SRP54: variants seen among roughly 807,000 people sequenced by gnomAD.
SRP54 encodes signal recognition particle 54.
Under a neutral mutation model 64.8 loss-of-function variants are expected in SRP54, and 10 were observed. The observed-to-expected ratio is 0.15, with a 90% CI of 0.10 to 0.26. SRP54 has a LOEUF of 0.26. SRP54 is among the 10% of genes least tolerant of loss of function. The pLI is 1.00. For missense variants in SRP54, 325 were observed against 613.7 expected (o/e 0.53, Z 4.97); for synonymous variants, 193 against 185.6 (o/e 1.04, Z -0.32).
chr14:34,984,280 A>G (rs1011545050), intron 1 of SRP54, among the ~76,000 whole-genome samples: 1 of 152,172 alleles, frequency 6.6e-6, no homozygotes, highest in Non-Finnish European at 1.5e-5. Flanking sequence ...GCTTTTTAAA[A>G]ATTGATTTTC....
intron 8 of SRP54, among the ~76,000 whole-genome samples, chr14:35,012,867 A>G (rs896473375): frequency 3.3e-5 from 5 of 151,566 alleles, no homozygotes; most frequent in African/African-American, 7.3e-5. Context: ...CATGACCTAG[A>G]TGGTACCTGA....
rs150954088 is a variant in SRP54 at position 35,003,697 on chromosome 14, T to C, written c.255+2677T>C. ...TGATCCCTACACCTGAGCCTCCTAG[T>C]AGCTGGGACTACTACTCTTTGAGCC... On this transcript the variant is annotated intron_variant, in intron 4 of 15. Coordinates refer to ENST00000216774, the MANE Select transcript of SRP54 (RefSeq NM_003136.4). 3.9e-3 allele frequency among the ~76,000 whole-genome samples: 585 copies of C among 151,288 alleles called. 8 individuals are homozygous for C. The highest frequency in any genetic ancestry group is 0.023 in the East Asian group (118 of 5,120).
chr14:34,986,430 A>G (rs543698464), intron 1 of SRP54, among the ~76,000 whole-genome samples: 28 of 152,266 alleles, frequency 1.8e-4, no homozygotes, highest in African/African-American at 6.5e-4. Context: ...TGAATGAGTA[A>G]ATGAATACAA....
At chr14:35,016,632 C>T (rs907193207) in intron 11 of SRP54, among the ~76,000 whole-genome samples, 18 of 152,168 alleles carry the variant, frequency 1.2e-4, no homozygotes, top group Admixed American at 7.9e-4. Context: ...ATGTTTCTAT[C>T]ACTTCCTACA....
At chr14:34,989,727 A>G (rs188399219) in intron 1 of SRP54, among the ~76,000 whole-genome samples, 1 of 152,294 alleles carries the variant, frequency 6.6e-6, no homozygotes, top group African/African-American at 2.4e-5. Flanking sequence ...AAGATTGTTC[A>G]GAAAATTTCC....
intron 9 of SRP54, 65 bp downstream of exon 9, chr14:35,013,559 G>T (rs910511741): frequency 6.7e-7 from 1 of 1,492,880 alleles, no homozygotes; most frequent in African/African-American, 1.4e-5. Flanking sequence ...TGTGTTTATA[G>T]CTTTCATATT....
At chr14:35,014,308 G>A (rs1010609510) in intron 10 of SRP54, among the ~76,000 whole-genome samples, 3 of 103,448 alleles carry the variant, frequency 2.9e-5, no homozygotes, top group Non-Finnish European at 4.0e-5. Flanking sequence ...ACGGAGTTTC[G>A]CTCTTGTCAC....
chr14:35,005,933 G>A (rs999693464), intron 4 of SRP54, among the ~76,000 whole-genome samples: 4 of 151,902 alleles, frequency 2.6e-5, no homozygotes, highest in African/African-American at 7.3e-5. Context: ...TCCGCCACCC[G>A]GGTTCATGCC....
rs771663852 is a variant in SRP54 at position 35,022,906 on chromosome 14, A to G, written c.1157-4A>G. 5 of 1,589,368 alleles carry G rather than the reference A, an allele frequency of 3.1e-6. No individual in the cohort carries two copies. The highest frequency in any genetic ancestry group is 1.2e-5 in the South Asian group (1 of 86,238). ...TGTGTGAGAGTAACTGACCTTGTCT[A>G]CAGAACTAGACAGTACGGATGGTGC... is the stretch of plus-strand genomic sequence containing the variant. On this transcript the variant is annotated splice_region_variant and splice_polypyrimidine_tract_variant and intron_variant, in intron 13 of 15. Transcript: ENST00000216774.
At chr14:35,014,038 A>T in intron 10 of SRP54, 136 bp downstream of exon 10, 1 of 635,312 alleles carries the variant, frequency 1.6e-6, no homozygotes, top group African/African-American at 1.9e-5. Context: ...TTACCTGTAA[A>T]ATAGAGATAA....
intron 4 of SRP54, among the ~76,000 whole-genome samples, chr14:35,001,489 A>G (rs941187453): frequency 2.0e-5 from 3 of 152,120 alleles, no homozygotes; most frequent in African/African-American, 7.2e-5. Context: ...GAATATACAT[A>G]ATTCTGAGTG....
At chr14:34,984,583 C>T (rs562957439) in intron 1 of SRP54, among the ~76,000 whole-genome samples, 27 of 152,308 alleles carry the variant, frequency 1.8e-4, no homozygotes, top group Admixed American at 3.3e-4. Flanking sequence ...CTCACTGCAA[C>T]CTCCGCCTCC....
intron 10 of SRP54, 89 bp from the exon 11 acceptor site, chr14:35,014,655 A>C: frequency 1.0e-6 from 1 of 990,502 alleles, no homozygotes; most frequent in East Asian, 2.4e-5. Flanking sequence ...TTATAACCTC[A>C]CAAGGTTATT....
At chr14:35,022,290 A>C (rs2044544272) in intron 13 of SRP54, among the ~76,000 whole-genome samples, 1 of 152,104 alleles carries the variant, frequency 6.6e-6, no homozygotes, top group South Asian at 2.1e-4. Context: ...CTGTAGGGAA[A>C]GTACATGTTT....
At chr14:35,008,721 T>G (rs757919059) in intron 6 of SRP54, 28 bp downstream of exon 6, 1 of 1,604,386 alleles carries the variant, frequency 6.2e-7, no homozygotes, top group East Asian at 2.2e-5. Context: ...GAAAATTGTT[T>G]TATATAATTT....
intron 13 of SRP54, 67 bp from the exon 14 acceptor site, chr14:35,022,843 C>T (rs2044556491): frequency 7.6e-7 from 1 of 1,320,580 alleles, no homozygotes; most frequent in Non-Finnish European, 1.0e-6. Context: ...ATATATTGCC[C>T]ATTTGCACAT....
chr14:34,988,578 A>AAAAAT (rs1384552218), intron 1 of SRP54, among the ~76,000 whole-genome samples: 2 of 47,102 alleles, frequency 4.2e-5, no homozygotes, highest in African/African-American at 6.7e-5. Context: ...AAAAAAAAAA[A>AAAAAT]ATATATATAT....
chr14:35,006,411 T>C (rs2044259035), intron 4 of SRP54, among the ~76,000 whole-genome samples: 1 of 152,214 alleles, frequency 6.6e-6, no homozygotes, highest in Admixed American at 6.5e-5. Context: ...TATTGAGCAT[T>C]TGTAATGTGG....
chr14:35,003,570 TG>T lies in SRP54; in HGVS notation c.255+2552del, dbSNP rs1161107294. ...TTGTTTTTTGTTTTTTTGGTTTTTTTGGTTTTTTTTTTTTTTGAGACAGGGT... is the reference window on the plus strand; with the variant it reads ...TTGTTTTTTGTTTTTTTGGTTTTTTTGTTTTTTTTTTTTTTGAGACAGGGT... On this transcript the variant is annotated intron_variant, in intron 4 of 15. Coordinates refer to ENST00000216774, the MANE Select transcript of SRP54 (RefSeq NM_003136.4). Among the ~76,000 whole-genome samples, 938 of 111,654 alleles carry T rather than the reference TG, an allele frequency of 8.4e-3. 12 individuals carry two copies. Among genetic ancestry groups the T allele is most frequent in the African/African-American group, 0.026 (874 of 34,010 alleles). 73.2% of individuals were successfully genotyped at this position (111,654 alleles called of 152,430 possible).
Sources: allele counts gnomAD v4.1 joint callset (sites outside exome capture counted in the v4.1 genomes callset), GRCh38; gene constraint gnomAD v4.1.1; transcripts MANE v1.5; gene names NCBI Gene and HGNC (gene_info 2026-07-23, HGNC 2026-07-21).